The following PRKAR1A variants were observed in gnomAD, a reference collection of about 807,000 sequenced individuals.
The protein encoded by PRKAR1A is protein kinase cAMP-dependent type I regulatory subunit alpha.
In PRKAR1A, 3 loss-of-function variants were observed where a neutral mutation model predicts 52.0. The ratio of observed to expected loss-of-function variants is 0.06; its 90% confidence interval spans 0.03 to 0.15. The LOEUF (loss-of-function observed/expected upper bound fraction) is 0.15, where lower values mean the gene tolerates loss of function less well. PRKAR1A is among the 10% of genes least tolerant of loss of function. PRKAR1A has a pLI of 1.00. For synonymous variants in PRKAR1A, 188 were observed against 168.4 expected (o/e 1.12, Z -0.90); for missense variants, 240 against 477.4 (o/e 0.50, Z 4.63).
chr17:68,415,538 T>G, the PRKAR1A span, among the ~76,000 whole-genome samples: 4 of 152,218 alleles, frequency 2.6e-5, no homozygotes, highest in Non-Finnish European at 4.4e-5. Context: ...TTAAGTCCAT[T>G]TGTTACAAGG....
chr17:68,542,607 G>A (rs1229759992), intron 11 of PRKAR1A: 2 of 980,520 alleles, frequency 2.0e-6, no homozygotes, highest in African/African-American at 1.6e-5. Flanking sequence ...CTAGCAGCAG[G>A]GTGTCAGGCC....
chr17:68,457,732 C>T, the PRKAR1A span, among the ~76,000 whole-genome samples: 10 of 152,142 alleles, frequency 6.6e-5, no homozygotes, highest in Non-Finnish European at 1.3e-4. Flanking sequence ...GGGCACCGCC[C>T]CCCTTGGCCA....
chr17:68,537,637 A>G, downstream of PRKAR1A: 1 of 1,613,800 alleles, frequency 6.2e-7, no homozygotes, highest in Non-Finnish European at 8.5e-7. The surrounding 1 kb of genome is among the most constrained non-coding windows in gnomAD (Gnocchi z 4.2). Context: ...TTCAGTGAGG[A>G]CAGGGCTGAG....
At chr17:68,485,273 G>C in the PRKAR1A span, among the ~76,000 whole-genome samples, 4,291 of 152,262 alleles carry the variant, frequency 0.028, 182 homozygotes, top group African/African-American at 0.097. Flanking sequence ...AAATAGCTGA[G>C]TGCTGAGTGA....
chr17:68,542,156 A>C, intron 11 of PRKAR1A: 3 of 1,613,936 alleles, frequency 1.9e-6, no homozygotes, highest in Non-Finnish European at 2.5e-6. Context: ...GAAGAAGCAC[A>C]CGTTGCTCGC....
the PRKAR1A span, among the ~76,000 whole-genome samples, chr17:68,439,922 TTG>T: frequency 1.3e-5 from 2 of 152,118 alleles, no homozygotes; most frequent in African/African-American, 4.8e-5. Flanking sequence ...CTAAGCAGTC[TTG>T]GAGCAGAAGC....
At chr17:68,468,215 G>A in the PRKAR1A span, among the ~76,000 whole-genome samples, 1 of 152,180 alleles carries the variant, frequency 6.6e-6, no homozygotes, top group Non-Finnish European at 1.5e-5. Context: ...CCCTTTGGCT[G>A]TAAGGAAAAC....
downstream of PRKAR1A, chr17:68,535,454 C>T: frequency 2.2e-6 from 1 of 453,978 alleles, no homozygotes; most frequent in Non-Finnish European, 4.4e-6. Context: ...ATTTGGAAGT[C>T]CCAAACCATT....
At chr17:68,477,815 C>T in the PRKAR1A span, among the ~76,000 whole-genome samples, 2 of 151,998 alleles carry the variant, frequency 1.3e-5, no homozygotes, top group Admixed American at 6.6e-5. Flanking sequence ...CTCCACCTCC[C>T]GGGTTCAAGC....
the PRKAR1A span, among the ~76,000 whole-genome samples, chr17:68,480,266 G>A: frequency 6.6e-6 from 1 of 152,214 alleles, no homozygotes; most frequent in African/African-American, 2.4e-5. Context: ...AAAGTTTTGA[G>A]CATTAATATT....
rs760985072 is a variant in PRKAR1A, at chr17:68,542,146, G to A, written c.974-8938G>A. On this transcript the variant is annotated intron_variant, in intron 11 of 11. Transcript: ENST00000585981. ...TCTTGCACATGTATGGACACTTGGC[G>A]AAGAAGCACACGTTGCTCGCTGGAG... 29 of 1,613,956 alleles carry A rather than the reference G, an allele frequency of 1.8e-5. No individual in the cohort carries two copies. Among genetic ancestry groups the A allele is most frequent in the East Asian group, 1.6e-4 (7 of 44,904 alleles).
the PRKAR1A span, chr17:68,444,608 A>G: frequency 3.4e-5 from 55 of 1,603,934 alleles, 1 homozygote; most frequent in African/African-American, 4.2e-4. Flanking sequence ...ACACAGACTT[A>G]TCAGTCTACC....
At position 68,540,105 on chromosome 17, in the gene PRKAR1A, A is replaced by G. The variant is rs1390866292; in HGVS notation, c.973+10104A>G. ...GAACGAAGCTGGGCCTCACACTGTC[A>G]TTTCCTCAGGGCCATCAGTGAAGCA... On this transcript the variant is annotated intron_variant, in intron 11 of 11. Transcript: ENST00000585981. 4 of 746,928 alleles carry G rather than the reference A, an allele frequency of 5.4e-6. No homozygotes were observed. The African/African-American group carries it at 6.9e-5, about 13-fold the overall frequency. The allele number at this position is 746,928 out of a possible 1,614,324, so 46.3% of individuals were successfully genotyped here.
chr17:68,538,790 A>G (rs1400900611), intron 11 of PRKAR1A, among the ~76,000 whole-genome samples: 1 of 152,248 alleles, frequency 6.6e-6, no homozygotes, highest in Non-Finnish European at 1.5e-5. Context: ...TGGCAATTGA[A>G]AGGTTTAAAG....
chr17:68,482,624 G>T, the PRKAR1A span, among the ~76,000 whole-genome samples: 1 of 152,198 alleles, frequency 6.6e-6, no homozygotes. Flanking sequence ...ACCGGGTGAA[G>T]GTTAAATAGC....
At chr17:68,434,716 G>T in the PRKAR1A span, 34 of 1,331,676 alleles carry the variant, frequency 2.6e-5, no homozygotes, top group Non-Finnish European at 3.6e-5. Context: ...TATTGGTTTT[G>T]AACATCTGTC....
chr17:68,516,429 T>C (rs1226108392), intron 2 of PRKAR1A, among the ~76,000 whole-genome samples: 1 of 152,096 alleles, frequency 6.6e-6, no homozygotes, highest in Non-Finnish European at 1.5e-5. Context: ...GTGGAAGTTA[T>C]GAGGTGGTTC....
chr17:68,458,391 A>G, the PRKAR1A span, among the ~76,000 whole-genome samples: 1 of 152,340 alleles, frequency 6.6e-6, no homozygotes, highest in East Asian at 1.9e-4. Context: ...GTAATTTGCA[A>G]AAACAACGTA....
At chr17:68,503,449 C>T in the PRKAR1A span, among the ~76,000 whole-genome samples, 2 of 152,086 alleles carry the variant, frequency 1.3e-5, no homozygotes, top group Non-Finnish European at 1.5e-5. Context: ...AACGAGATGT[C>T]CTTTAGTAAA....
Sources: gnomAD v4.1 joint callset for allele counts (sites outside exome capture counted in the v4.1 genomes callset) on GRCh38, gnomAD v4.1.1 for gene constraint, Gnocchi (gnomAD v3.1) non-coding constraint, MANE v1.5 for transcripts, NCBI Gene and HGNC (gene_info 2026-07-23, HGNC 2026-07-21) for gene names.